Variants in IDO1 observed in about 807,000 individuals in gnomAD.
IDO1 encodes the protein indolamine 2,3 dioxygenase.
A neutral mutation model predicts 38.8 loss-of-function variants in IDO1; 35 were observed. That is an observed-to-expected ratio of 0.90 (90% confidence interval 0.69 to 1.20). The LOEUF (loss-of-function observed/expected upper bound fraction) is 1.20, where lower values mean the gene tolerates loss of function less well. IDO1 is among the 50% of genes most tolerant of loss of function. The pLI is 0.00. For missense variants in IDO1, 509 were observed against 485.1 expected, an observed-to-expected ratio of 1.05 and a Z score of -0.46; for synonymous variants, 171 against 170.0, an observed-to-expected ratio of 1.01 and a Z score of -0.05.
rs539165187 is a variant in IDO1, at chr8:39,914,853, C to A, written c.87+844C>A. Reference sequence around the variant, plus strand: ...CGATCTCAGCTCACTGCAACCTCTGCCTCCTAGGTTCAAGCGATTCTCCTG... The same window carrying A: ...CGATCTCAGCTCACTGCAACCTCTGACTCCTAGGTTCAAGCGATTCTCCTG... On this transcript the variant is annotated intron_variant, in intron 1 of 9. Transcript: ENST00000518237. 4.7e-4 allele frequency among the ~76,000 whole-genome samples: 72 copies of A among 152,270 alleles called. 1 individual carries two copies. The South Asian group carries it at 0.015, about 31-fold the overall frequency.
chr8:39,928,004 G>GCTAC lies in IDO1; in HGVS notation c.1033_1036dup (p.His346LeufsTer8), dbSNP rs774264973. 2 of 1,605,964 alleles carry GCTAC rather than the reference G, an allele frequency of 1.2e-6. No homozygotes were observed. Among genetic ancestry groups the GCTAC allele is most frequent in the Non-Finnish European group, 1.7e-6 (2 of 1,176,182 alleles). Reference sequence around the variant, plus strand: ...GTGAAAGCTCTGGTCTCCCTGAGGAGCTACCATCTGCAAATCGTGACTAAG... The same window carrying GCTAC: ...GTGAAAGCTCTGGTCTCCCTGAGGAGCTACCTACCATCTGCAAATCGTGACTAAG... On this transcript the variant is annotated frameshift_variant, in exon 10 of 10. Transcript: ENST00000518237. LOFTEE classifies it low-confidence loss of function (END_TRUNC).
At position 39,927,835 on chromosome 8, in the gene IDO1, G is replaced by A. The variant is rs1278459711; in HGVS notation, c.862G>A (p.Ala288Thr). The change falls in exon 10 of 10, where the codon GCT becomes ACT. Residue 288 changes from alanine to threonine, a missense_variant. Ala to Thr is a moderately conservative substitution (Grantham distance 58). Transcript: ENST00000518237. ...GIQQTAGGGH[A>T]AQFLQDMRRY... ...TCTTTCTCTTTTTCCTATAGGACAT[G>A]CTGCTCAGTTCCTCCAGGACATGAG... 4.6e-6 allele frequency: 7 copies of A among 1,524,174 alleles called. No homozygotes were observed. Among genetic ancestry groups the A allele is most frequent in the Non-Finnish European group, 6.2e-6 (7 of 1,136,930 alleles). The allele number at this position is 1,524,174 out of a possible 1,614,324, so 94.4% of individuals were successfully genotyped here. A position where few individuals can be genotyped will look rare whatever the true frequency, so the allele number is the denominator to read the frequency against.
intron 3 of IDO1, 93 bp downstream of exon 3, chr8:39,918,300 C>G (rs752848127): frequency 3.9e-6 from 5 of 1,285,188 alleles, no homozygotes; most frequent in African/African-American, 1.5e-5. Context: ...AGCATTATAA[C>G]TGCATCATGC....
chr8:39,921,467 AAAAT>A (rs1187984107), intron 5 of IDO1, among the ~76,000 whole-genome samples: 5 of 152,212 alleles, frequency 3.3e-5, no homozygotes. Flanking sequence ...AATTAAAATA[AAAAT>A]AAATAAAGAT....
rs1209315767 is a variant in IDO1 at position 39,914,000 on chromosome 8, A to G, written c.78A>G (p.Pro26=). 9.6e-6 allele frequency: 15 copies of G among 1,567,002 alleles called. No individual in the cohort carries two copies. The highest frequency in any genetic ancestry group is 1.3e-5 in the Non-Finnish European group (15 of 1,155,118). The change falls in exon 1 of 10, where the codon CCA becomes CCG. Residue 26 remains proline, a synonymous_variant. Coordinates refer to ENST00000518237, the MANE Select transcript of IDO1 (RefSeq NM_002164.6). ...HIDEEVGFAL[P]NPQENLPDFY... Reference sequence around the variant, plus strand: ...ATGAAGAAGTGGGCTTTGCTCTGCCAAATCCACAGGTAAGAGAAGGCAGTA... The same window carrying G: ...ATGAAGAAGTGGGCTTTGCTCTGCCGAATCCACAGGTAAGAGAAGGCAGTA...
intron 5 of IDO1, among the ~76,000 whole-genome samples, chr8:39,921,557 G>A (rs1455688861): frequency 6.6e-6 from 1 of 152,144 alleles, no homozygotes; most frequent in Non-Finnish European, 1.5e-5. Flanking sequence ...TTTTAAAAAC[G>A]AGGATGACAT....
In IDO1 at chr8:39,914,081, A is replaced by G. The variant is rs911029384; in HGVS notation, c.87+72A>G. 1.0e-5 allele frequency: 11 copies of G among 1,057,878 alleles called. No individual in the cohort carries two copies. In the African/African-American group the frequency reaches 1.3e-4, roughly 12 times the overall value. The allele number at this position is 1,057,878 out of a possible 1,614,324, so 65.5% of individuals were successfully genotyped here. On this transcript the variant is annotated intron_variant, in intron 1 of 9. Transcript: ENST00000518237. ...TCCTTACCTGGCCAAGTTAACTTCT[A>G]CTGAACAACTGTGGTTCAGTAACTT...
rs1807136295 is a variant in IDO1 at position 39,914,014 on chromosome 8, G to A, written c.87+5G>A. On this transcript the variant is annotated splice_donor_5th_base_variant and intron_variant, in intron 1 of 9. Transcript: ENST00000518237. ...TTTGCTCTGCCAAATCCACAGGTAAGAGAAGGCAGTAAAATGTGGGAAAAT... is the reference window on the plus strand; with the variant it reads ...TTTGCTCTGCCAAATCCACAGGTAAAAGAAGGCAGTAAAATGTGGGAAAAT... 2 of 1,555,874 alleles carry A rather than the reference G, an allele frequency of 1.3e-6. No homozygotes were observed. Among genetic ancestry groups the A allele is most frequent in the Middle Eastern group, 1.7e-4 (1 of 6,004 alleles).
At chr8:39,922,925 A>G in intron 6 of IDO1, 1 of 416,408 alleles carries the variant, frequency 2.4e-6, no homozygotes, top group South Asian at 3.7e-5. Flanking sequence ...ACAGTGTCAT[A>G]AATTCAATAG....
At position 39,926,059 on chromosome 8, in the gene IDO1, T is replaced by C. The variant is rs943503843; in HGVS notation, c.856+688T>C. The stretch of plus-strand genomic sequence containing the variant: ...AAAAGTAGCTGGGCATGGTGGCGGG[T>C]GCCTGTAGTCCCAGCTACTCGGGAG... On this transcript the variant is annotated intron_variant, in intron 9 of 9. Transcript: ENST00000518237. Among the ~76,000 whole-genome samples, 5 of 151,650 alleles carry C rather than the reference T, an allele frequency of 3.3e-5. No individual in the cohort carries two copies. In the East Asian group the frequency reaches 5.8e-4, roughly 18 times the overall value.
chr8:39,920,236 T>A, intron 5 of IDO1, 122 bp downstream of exon 5: 1 of 698,002 alleles, frequency 1.4e-6, no homozygotes, highest in Non-Finnish European at 2.4e-6. Context: ...AAAAATAATT[T>A]AAGTGACTAT....
intron 7 of IDO1, among the ~76,000 whole-genome samples, 169 bp from the exon 8 acceptor site, chr8:39,924,552 A>G (rs1034440384): frequency 6.6e-6 from 1 of 152,178 alleles, no homozygotes; most frequent in African/African-American, 2.4e-5. Flanking sequence ...GCTTCCTGGA[A>G]GAGGGTAGGA....
At chr8:39,919,959 A>G (rs1299152071) in intron 4 of IDO1, 141 bp from the exon 5 acceptor site, 2 of 726,198 alleles carry the variant, frequency 2.8e-6, no homozygotes, top group Non-Finnish European at 4.8e-6. Flanking sequence ...GAAACATTTT[A>G]ATAAGCTTTT....
intron 6 of IDO1, 24 bp from the exon 7 acceptor site, chr8:39,923,445 T>G: frequency 5.4e-6 from 7 of 1,289,342 alleles, no homozygotes; most frequent in African/African-American, 1.5e-5. Flanking sequence ...CCTTAAATGT[T>G]TGTGTTTTGT....
intron 1 of IDO1, among the ~76,000 whole-genome samples, chr8:39,915,937 G>A (rs1441709846): frequency 3.3e-5 from 5 of 152,098 alleles, no homozygotes; most frequent in African/African-American, 1.2e-4. Flanking sequence ...AGACGGAGGC[G>A]GGTGGATCAT....
intron 6 of IDO1, 35 bp downstream of exon 6, chr8:39,922,686 A>G (rs571456853): frequency 8.6e-6 from 12 of 1,398,532 alleles, no homozygotes; most frequent in Middle Eastern, 1.8e-4. Context: ...TTATATGTCA[A>G]TTTACGTAAG....
In IDO1 at chr8:39,928,108, A is replaced by G. The variant is rs1807395837; in HGVS notation, c.1135A>G (p.Thr379Ala). ...EDPSKLEAKGTGGTDLMNFLK... is the reference protein window; with the variant it reads ...EDPSKLEAKGAGGTDLMNFLK... ...CCCTTCAAAACTGGAAGCCAAAGGAACTGGAGGCACTGATTTAATGAATTT... is the reference window on the plus strand; with the variant it reads ...CCCTTCAAAACTGGAAGCCAAAGGAGCTGGAGGCACTGATTTAATGAATTT... Residue 379 changes from threonine to alanine, a missense_variant, in exon 10 of 10, where the codon ACT (threonine) becomes GCT (alanine). By Grantham distance (58) the Thr-to-Ala change is moderately conservative (BLOSUM62 0). Transcript: ENST00000518237. The G allele has an allele frequency of 1.1e-5, 17 of 1,613,478 alleles. No individual in the cohort carries two copies. The highest frequency in any genetic ancestry group is 1.4e-5 in the Non-Finnish European group (17 of 1,179,756).
chr8:39,922,494 C>CA (rs1324818287), intron 5 of IDO1, 58 bp from the exon 6 acceptor site: 2 of 1,077,012 alleles, frequency 1.9e-6, no homozygotes, highest in African/African-American at 3.1e-5. Flanking sequence ...ATAAAAATGT[C>CA]AAAAAATATC....
intron 7 of IDO1, 67 bp downstream of exon 7, chr8:39,923,653 A>G: frequency 2.2e-6 from 2 of 897,306 alleles, no homozygotes; most frequent in Non-Finnish European, 3.5e-6. Flanking sequence ...AGAATAGTTG[A>G]AAAAAGGGAA....
Sources: gnomAD v4.1 joint callset for allele counts (sites outside exome capture counted in the v4.1 genomes callset) on GRCh38, gnomAD v4.1.1 for gene constraint, MANE v1.5 for transcripts, NCBI Gene and HGNC (gene_info 2026-07-23, HGNC 2026-07-21) for gene names.